BMS1: variants seen among roughly 807,000 people sequenced by gnomAD.
BMS1 encodes the protein BMS1 ribosome biogenesis factor.
Under a neutral mutation model 138.7 loss-of-function variants are expected in BMS1, and 53 were observed. The ratio of observed to expected loss-of-function variants is 0.38; its 90% CI spans 0.31 to 0.48. BMS1 has a LOEUF of 0.48. Among genes scored for constraint, BMS1 ranks in the 20% least tolerant of loss-of-function variants. The pLI is 0.97. For missense variants in BMS1, 1,360 were observed against 1,565.5 expected (o/e 0.87, Z 2.22); for synonymous variants, 504 against 539.9 (o/e 0.93, Z 0.92).
rs187978682 is a variant in BMS1 at position 42,831,329 on chromosome 10, C to G, written c.*233C>G. 340 of 455,474 alleles carry G rather than the reference C, an allele frequency of 7.5e-4. 2 individuals carry two copies. The Middle Eastern group carries it at 0.018, about 24-fold the overall frequency. The allele number at this position is 455,474 out of a possible 1,614,324, so 28.2% of individuals were successfully genotyped here. A position where few individuals can be genotyped will look rare whatever the true frequency, so the allele number is the denominator to read the frequency against. On this transcript the variant is annotated 3_prime_UTR_variant, in exon 23 of 23. Transcript: ENST00000374518. ...GATGTAAGCTGTGGTTATGTGGATT[C>G]TCTTACTTTCCTCTGCCTGCCTCAG... is the stretch of plus-strand genomic sequence containing the variant.
At chr10:42,786,952 CTT>C (rs1841351314) in intron 3 of BMS1, among the ~76,000 whole-genome samples, 1 of 152,056 alleles carries the variant, frequency 6.6e-6, no homozygotes, top group Admixed American at 6.6e-5. Context: ...TCTGGGTAGA[CTT>C]TTGATGTTAT....
intron 2 of BMS1, among the ~76,000 whole-genome samples, chr10:42,784,840 A>G (rs558937676): frequency 1.3e-5 from 2 of 152,366 alleles, no homozygotes; most frequent in Admixed American, 1.3e-4. Context: ...TTCTATGGTG[A>G]TAAGTGTGCT....
At position 42,816,639 on chromosome 10, in the gene BMS1, C is replaced by T. The variant is rs768804596; in HGVS notation, c.2370C>T (p.Asp790=). The T allele has an allele frequency of 3.2e-5, 52 of 1,611,392 alleles. No individual in the cohort carries two copies. Among genetic ancestry groups the T allele is most frequent in the Non-Finnish European group, 4.2e-5 (50 of 1,179,636 alleles). The change falls in exon 14 of 23, where the codon GAC becomes GAT. Residue 790 remains aspartate, a synonymous_variant. Transcript: ENST00000374518. ...ACTTTGAAGACTTGGAAACAGGGGA[C>T]GTGCACAAGGGAAAATCAGGCCCCA... ...YGDFEDLETG[D]VHKGKSGPNT... is the part of the protein sequence containing the mutation.
chr10:42,832,827 A>T lies in BMS1; in HGVS notation c.*1731A>T, dbSNP rs571717081. 7 of 152,330 alleles carry T rather than the reference A, an allele frequency of 4.6e-5. No homozygotes were observed. In the East Asian group the frequency reaches 1.3e-3, roughly 29 times the overall value. The allele number at this position is 152,330 out of a possible 1,614,324, so 9.4% of individuals were successfully genotyped here. ...ATGAATTTCATCATCCATTATGCTG[A>T]TAGGCCTGGGGACTGACACATAGTA... is the stretch of plus-strand genomic sequence containing the variant. On this transcript the variant is annotated 3_prime_UTR_variant, in exon 23 of 23. Coordinates refer to ENST00000374518, the MANE Select transcript of BMS1 (RefSeq NM_014753.4).
intron 21 of BMS1, 67 bp downstream of exon 21, chr10:42,823,851 CT>C (rs1219566677): frequency 7.8e-7 from 1 of 1,275,682 alleles, no homozygotes. Flanking sequence ...CACACAGACA[CT>C]TTTCTATAAT....
chr10:42,797,672 CTTAT>C, intron 11 of BMS1, 149 bp downstream of exon 11: 1 of 755,024 alleles, frequency 1.3e-6, no homozygotes, highest in Admixed American at 2.6e-5. Context: ...TAATCATCAG[CTTAT>C]GAGGACCACA....
intron 13 of BMS1, among the ~76,000 whole-genome samples, chr10:42,804,246 G>A (rs1426451389): frequency 1.3e-5 from 2 of 152,166 alleles, no homozygotes; most frequent in African/African-American, 4.8e-5. Context: ...GGGTAAATAA[G>A]TAGTTCAGAA....
At chr10:42,800,689 G>A (rs992984369) in intron 12 of BMS1, among the ~76,000 whole-genome samples, 1 of 151,982 alleles carries the variant, frequency 6.6e-6, no homozygotes, top group Non-Finnish European at 1.5e-5. Flanking sequence ...ACTAGGCCCA[G>A]CTAATTTTTT....
At chr10:42,810,961 A>G (rs1382437391) in intron 13 of BMS1, among the ~76,000 whole-genome samples, 1 of 152,040 alleles carries the variant, frequency 6.6e-6, no homozygotes, top group African/African-American at 2.4e-5. Context: ...TGTTGATTCT[A>G]TTCAAATGAC....
chr10:42,822,179 A>G lies in BMS1; in HGVS notation c.3127A>G (p.Ile1043Val). 2 of 1,367,348 alleles carry G rather than the reference A, an allele frequency of 1.5e-6. No homozygotes were observed. The highest frequency in any genetic ancestry group is 1.0e-6 in the Non-Finnish European group (1 of 974,180). 84.7% of individuals were successfully genotyped at this position (1,367,348 alleles called of 1,614,324 possible). A position where few individuals can be genotyped will look rare whatever the true frequency, so the allele number is the denominator to read the frequency against. ...TAAAATTTTCAAGAACACTTCATTT[A>G]TTAAGGTCTGTATATCTATATATTC... ...PYKIFKNTSF[I>V]KGMFNSALEV... Residue 1043 changes from isoleucine (I) to valine (V), a missense_variant, in exon 19 of 23, where the codon ATT becomes GTT. Transcript: ENST00000374518.
Position 42,796,791 on chromosome 10 carries a change from G to A in BMS1, c.1547G>A (p.Gly516Glu). The A allele has an allele frequency of 6.2e-7, 1 of 1,614,216 alleles. No homozygotes were observed. The highest frequency in any genetic ancestry group is 1.1e-5 in the South Asian group (1 of 91,080). ...DDLERSSAEE[G>E]EAEEADESSE... ...CTTGAGAGGAGCTCAGCGGAAGAAG[G>A]GGAAGCGGAGGAAGCTGATGAAAGC... The change falls in exon 10 of 23, where the codon GGG becomes GAG. Residue 516 changes from glycine (G) to glutamate (E), a missense_variant. Gly to Glu is a moderately conservative substitution (Grantham distance 98). Coordinates refer to ENST00000374518, the MANE Select transcript of BMS1 (RefSeq NM_014753.4).
Position 42,797,455 on chromosome 10 carries a change from A to T in BMS1, c.2021A>T (p.Lys674Met). Reference sequence around the variant, plus strand: ...AAGTGGAAGGAAGACCTTTCCAGAAAGGCAGCTGAGGCCTTTCTGAGGCAG... The same window carrying T: ...AAGTGGAAGGAAGACCTTTCCAGAATGGCAGCTGAGGCCTTTCTGAGGCAG... ...ALKWKEDLSR[K>M]AAEAFLRQQQ... The change falls in exon 11 of 23, where the codon AAG (lysine) becomes ATG (methionine). Residue 674 changes from lysine (K) to methionine (M), a missense_variant. Physicochemically the swap from Lys to Met is moderately conservative, Grantham distance 95. This residue lies in a region of BMS1 where 697 missense variants were observed against 686.2 expected (regional missense o/e 1.02). Transcript: ENST00000374518. The T allele has an allele frequency of 6.2e-7, 1 of 1,614,234 alleles. No individual in the cohort carries two copies. The highest frequency in any genetic ancestry group is 1.3e-5 in the African/African-American group (1 of 75,056).
At chr10:42,807,722 T>C (rs925577578) in intron 13 of BMS1, among the ~76,000 whole-genome samples, 10 of 152,164 alleles carry the variant, frequency 6.6e-5, no homozygotes, top group Non-Finnish European at 4.4e-5. Context: ...TCCTGGCCTG[T>C]TTTCAATTTT....
Position 42,833,005 on chromosome 10 carries a change from C to A in BMS1, c.*1909C>A, listed in dbSNP as rs778672762. On this transcript the variant is annotated 3_prime_UTR_variant, in exon 23 of 23. Transcript: ENST00000374518. The stretch of plus-strand genomic sequence containing the variant: ...CAAGGTGATCAGCAAGTGTCTTATA[C>A]AACAAGCAAATTTGTTCAAAGAGAA... 1 of 152,162 alleles carries A rather than the reference C, an allele frequency of 6.6e-6. No homozygotes were observed. The highest frequency in any genetic ancestry group is 2.4e-5 in the African/African-American group (1 of 41,432). The allele number at this position is 152,162 out of a possible 1,614,324, so 9.4% of individuals were successfully genotyped here. A position where few individuals can be genotyped will look rare whatever the true frequency, so the allele number is the denominator to read the frequency against.
At chr10:42,823,536 A>G (rs1323681117) in intron 20 of BMS1, 73 bp from the exon 21 acceptor site, 2 of 1,394,720 alleles carry the variant, frequency 1.4e-6, no homozygotes, top group Non-Finnish European at 9.5e-7. Flanking sequence ...TGAAGGTTTT[A>G]TTCTTTGTTT....
At chr10:42,808,125 A>G (rs1240152852) in intron 13 of BMS1, among the ~76,000 whole-genome samples, 2 of 151,260 alleles carry the variant, frequency 1.3e-5, no homozygotes, top group Non-Finnish European at 2.9e-5. Flanking sequence ...TTTTTTTTGC[A>G]CTTTTAAAAA....
intron 1 of BMS1, 131 bp from the exon 2 acceptor site, chr10:42,784,231 T>C (rs761246084): frequency 1.6e-6 from 1 of 608,864 alleles, no homozygotes; most frequent in Non-Finnish European, 2.6e-6. Flanking sequence ...AAGCAGTTTC[T>C]ACCCTTGTTC....
At chr10:42,804,116 AATTT>A (rs1423902514) in intron 13 of BMS1, among the ~76,000 whole-genome samples, 1 of 152,170 alleles carries the variant, frequency 6.6e-6, no homozygotes, top group Non-Finnish European at 1.5e-5. Flanking sequence ...GATGTATAGC[AATTT>A]ATTTATCTGT....
chr10:42,783,436 T>G (rs550892023), intron 1 of BMS1, among the ~76,000 whole-genome samples: 1 of 152,250 alleles, frequency 6.6e-6, no homozygotes, highest in African/African-American at 2.4e-5. Context: ...GGATTTCCTC[T>G]GCAAGTCAGA....
Sources: gnomAD v4.1 joint callset for allele counts (sites outside exome capture counted in the v4.1 genomes callset) on GRCh38, gnomAD v4.1.1 for gene constraint, gnomAD v4.1.1 regional missense constraint, MANE v1.5 for transcripts, NCBI Gene and HGNC (gene_info 2026-07-23, HGNC 2026-07-21) for gene names.